Variants in FAM200A observed in about 807,000 individuals in gnomAD.
FAM200A encodes the protein ZBED8 like, also known as protein FAM200A.
In FAM200A, 26 loss-of-function variants were observed where a neutral mutation model predicts 44.2. The ratio of observed to expected loss-of-function variants is 0.59; its 90% CI spans 0.43 to 0.82. The LOEUF is 0.82. FAM200A is among the 40% of genes least tolerant of loss of function. The probability of loss-of-function intolerance (pLI) is 0.00; values close to 1 mark genes in which losing one functional copy is unlikely to be tolerated. For synonymous variants in FAM200A, 206 were observed against 244.4 expected, an observed-to-expected ratio of 0.84 and a Z score of 1.47; for missense variants, 606 against 669.5, an observed-to-expected ratio of 0.91 and a Z score of 1.05.
Position 99,550,410 on chromosome 7 carries a change from A to G in FAM200A, c.-100+1444T>C, listed in dbSNP as rs576527958. Reference sequence around the variant, plus strand: ...AAGCCTGAGCCACAGCACCTGGCCAACGAACCCCTTTTCTTTGGTACTGTG... The same window carrying G: ...AAGCCTGAGCCACAGCACCTGGCCAGCGAACCCCTTTTCTTTGGTACTGTG... On this transcript the variant is annotated intron_variant, in intron 1 of 1. Transcript: ENST00000449309. 2.6e-5 allele frequency among the ~76,000 whole-genome samples: 4 copies of G among 152,220 alleles called. No homozygotes were observed. In the South Asian group the frequency reaches 6.2e-4, roughly 24 times the overall value.
At chr7:99,552,990 C>CAT (rs1284772059), upstream of FAM200A, among the ~76,000 whole-genome samples, 2,306 of 143,022 alleles carry the variant, frequency 0.016, 67 homozygotes, top group African/African-American at 0.057. Flanking sequence ...TATATACACA[C>CAT]ATATATATAC....
At chr7:99,551,744 C>A in intron 1 of FAM200A, 110 bp downstream of exon 1, 1 of 886,572 alleles carries the variant, frequency 1.1e-6, no homozygotes. Context: ...GTCCGCGCGT[C>A]TTTGGGGTAA....
chr7:99,553,060 TATACACACAC>T (rs1562927048), upstream of FAM200A, among the ~76,000 whole-genome samples: 17 of 105,040 alleles, frequency 1.6e-4, no homozygotes, highest in South Asian at 3.2e-4. Context: ...CATATATATA[TATACACACAC>T]ATATATATAT....
upstream of FAM200A, among the ~76,000 whole-genome samples, chr7:99,553,606 G>A (rs1802617219): frequency 6.6e-6 from 1 of 152,138 alleles, no homozygotes; most frequent in East Asian, 1.9e-4. Context: ...TCCAGATTTC[G>A]GAGCGAGGAG....
At chr7:99,554,494 A>G (rs997657589), upstream of FAM200A, among the ~76,000 whole-genome samples, 9 of 151,600 alleles carry the variant, frequency 5.9e-5, no homozygotes, top group East Asian at 1.9e-4. Flanking sequence ...AAAAAAAAAA[A>G]AAAAAAGAAA....
chr7:99,555,229 G>C (rs535494858), upstream of FAM200A, among the ~76,000 whole-genome samples: 1 of 152,196 alleles, frequency 6.6e-6, no homozygotes, highest in Admixed American at 6.5e-5. Context: ...ATAGTACACA[G>C]GGAGAATGCC....
chr7:99,547,724 C>T lies in FAM200A; in HGVS notation c.684G>A (p.Leu228=), dbSNP rs748449625. The T allele has an allele frequency of 1.9e-6, 3 of 1,551,626 alleles. No homozygotes were observed. Among genetic ancestry groups the T allele is most frequent in the South Asian group, 2.4e-5 (2 of 84,048 alleles). Residue 228 remains leucine (L), a synonymous_variant, in exon 2 of 2, where the codon TTG becomes TTA. Transcript: ENST00000449309. ...TGKHSRLTEK[L]LEATHNNAVW... ...CAGCATTGTTGTGGGTTGCTTCTAA[C>T]AATTTTTCAGTAAGTCTGCTGTGTT...
Position 99,547,724 on chromosome 7 carries a change from C to CCCACACTT in FAM200A, c.683_684insAAGTGTGG (p.Leu229SerfsTer4). 1 of 1,551,626 alleles carries CCCACACTT rather than the reference C, an allele frequency of 6.4e-7. No homozygotes were observed. The highest frequency in any genetic ancestry group is 8.7e-7 in the Non-Finnish European group (1 of 1,146,968). Reference sequence around the variant, plus strand: ...CAGCATTGTTGTGGGTTGCTTCTAACAATTTTTCAGTAAGTCTGCTGTGTT... The same window carrying CCCACACTT: ...CAGCATTGTTGTGGGTTGCTTCTAACCCACACTTAATTTTTCAGTAAGTCTGCTGTGTT... On this transcript the variant is annotated frameshift_variant, in exon 2 of 2. Transcript: ENST00000449309. LOFTEE classifies it high-confidence loss of function.
chr7:99,555,413 C>T (rs1802658179), upstream of FAM200A, among the ~76,000 whole-genome samples: 1 of 152,156 alleles, frequency 6.6e-6, no homozygotes. Context: ...TGTGAACCAA[C>T]AGATTTCTGT....
chr7:99,556,993 G>A (rs1025253261), upstream of FAM200A, among the ~76,000 whole-genome samples: 7 of 152,150 alleles, frequency 4.6e-5, no homozygotes, highest in Admixed American at 2.6e-4. Flanking sequence ...CTGAGATCGC[G>A]CCACTGCACT....
rs1400087477 is a variant in FAM200A, at chr7:99,547,028, G to C, written c.1380C>G (p.Asn460Lys). The C allele has an allele frequency of 5.2e-6, 8 of 1,547,280 alleles. No individual in the cohort carries two copies. Among genetic ancestry groups the C allele is most frequent in the Non-Finnish European group, 7.0e-6 (8 of 1,146,118 alleles). Reference sequence around the variant, plus strand: ...AGTTTAACTCAATTATTGATTCTGGGTTTTGAAAAGCAAATGGATCTTTCA... The same window carrying C: ...AGTTTAACTCAATTATTGATTCTGGCTTTTGAAAAGCAAATGGATCTTTCA... Reference protein sequence around the residue: ...IWMKDPFAFQNPESIIELNLE... With the variant: ...IWMKDPFAFQKPESIIELNLE... Residue 460 changes from asparagine (N) to lysine (K), a missense_variant, in exon 2 of 2, where the codon AAC (asparagine) becomes AAG (lysine). Physicochemically the swap from Asn to Lys is moderately conservative, Grantham distance 94. Coordinates refer to ENST00000449309, the MANE Select transcript of FAM200A (RefSeq NM_145111.4).
chr7:99,551,645 G>C (rs1802534346), intron 1 of FAM200A, among the ~76,000 whole-genome samples: 1 of 152,122 alleles, frequency 6.6e-6, no homozygotes, highest in Non-Finnish European at 1.5e-5. Context: ...TTTACAACTC[G>C]GGGTACCCAG....
chr7:99,551,770 G>T, intron 1 of FAM200A, 84 bp downstream of exon 1: 1 of 959,312 alleles, frequency 1.0e-6, no homozygotes, highest in Non-Finnish European at 1.2e-6. Flanking sequence ...CAGGACTGGG[G>T]GTCCAGAAGG....
upstream of FAM200A, among the ~76,000 whole-genome samples, chr7:99,552,662 A>G (rs1263395277): frequency 6.6e-6 from 1 of 152,154 alleles, no homozygotes; most frequent in Non-Finnish European, 1.5e-5. Context: ...TCCAAGTGTT[A>G]TTGTAATAAT....
intron 1 of FAM200A, among the ~76,000 whole-genome samples, chr7:99,549,966 T>C (rs1802490438): frequency 6.6e-6 from 1 of 151,924 alleles, no homozygotes; most frequent in South Asian, 2.1e-4. Context: ...AGTTAACGGG[T>C]GCAGCACACC....
chr7:99,554,259 T>C (rs1489044739), upstream of FAM200A, among the ~76,000 whole-genome samples: 1 of 151,920 alleles, frequency 6.6e-6, no homozygotes, highest in East Asian at 1.9e-4. Flanking sequence ...GGTGGGTGGA[T>C]CACAAGTTCA....
rs1265741111 is a variant in FAM200A at position 99,548,382 on chromosome 7, G to C, written c.26C>G (p.Thr9Arg). 1 of 1,613,814 alleles carries C rather than the reference G, an allele frequency of 6.2e-7. No individual in the cohort carries two copies. The highest frequency in any genetic ancestry group is 1.7e-5 in the Admixed American group (1 of 59,976). MTPESRDTTDLSPGGTQEM... is the reference protein window; with the variant it reads MTPESRDTRDLSPGGTQEM... Reference sequence around the variant, plus strand: ...CTGGGTACCCCCTGGAGACAAATCTGTAGTATCCCTTGATTCAGGAGTCAT... The same window carrying C: ...CTGGGTACCCCCTGGAGACAAATCTCTAGTATCCCTTGATTCAGGAGTCAT... Residue 9 changes from threonine to arginine, a missense_variant, in exon 2 of 2, where the codon ACA (threonine) becomes AGA (arginine). Transcript: ENST00000449309.
At chr7:99,554,478 CA>C (rs397889799), upstream of FAM200A, among the ~76,000 whole-genome samples, 4,059 of 52,158 alleles carry the variant, frequency 0.078, 32 homozygotes, top group African/African-American at 0.092. Context: ...GACTCCGTCT[CA>C]AAAAAAAAAA....
Position 99,547,094 on chromosome 7 carries a change from A to G in FAM200A, c.1314T>C (p.Phe438=). 1 of 1,547,052 alleles carries G rather than the reference A, an allele frequency of 6.5e-7. No individual in the cohort carries two copies. The highest frequency in any genetic ancestry group is 1.7e-4 in the Middle Eastern group (1 of 5,970). The change falls in exon 2 of 2, where the codon TTT becomes TTC. Residue 438 remains phenylalanine, a synonymous_variant. Transcript: ENST00000449309. Reference sequence around the variant, plus strand: ...TTAATGATTCAAATTTCTCTTCCGGAAAGTAATAATTAAAAGTTTGAGACA... The same window carrying G: ...TTAATGATTCAAATTTCTCTTCCGGGAAGTAATAATTAAAAGTTTGAGACA... ...TSLSQTFNYY[F]PEEKFESLKE... is the part of the protein sequence containing the mutation.
Sources: allele counts gnomAD v4.1 joint callset (sites outside exome capture counted in the v4.1 genomes callset), GRCh38; gene constraint gnomAD v4.1.1; transcripts MANE v1.5; gene names NCBI Gene and HGNC (gene_info 2026-07-23, HGNC 2026-07-21).